The following UBE2D2 variants were observed in gnomAD, a reference collection of about 807,000 sequenced individuals.
The protein encoded by UBE2D2 is ubiquitin conjugating enzyme E2 D2, also known as ubiquitin-conjugating enzyme E2 D2.
In UBE2D2, 2 loss-of-function variants were observed where a neutral mutation model predicts 24.2. The observed-to-expected ratio is 0.08, with a 90% CI of 0.03 to 0.26. UBE2D2 has a LOEUF of 0.26. UBE2D2 is among the 10% of genes least tolerant of loss of function. The pLI is 1.00. For missense variants in UBE2D2, 44 were observed against 177.6 expected (o/e 0.25, Z 4.28); for synonymous variants, 58 against 56.5 (o/e 1.03, Z -0.12).
chr5:139,604,801 G>A (rs1168373291), intron 2 of UBE2D2, among the ~76,000 whole-genome samples: 5 of 151,630 alleles, frequency 3.3e-5, no homozygotes, highest in Non-Finnish European at 4.4e-5. Context: ...GAACACCTGA[G>A]CCCAGAAGTT....
chr5:139,570,047 G>A lies in UBE2D2; in HGVS notation c.24+8232G>A, dbSNP rs890190382. Among the ~76,000 whole-genome samples, 3 of 152,082 alleles carry A rather than the reference G, an allele frequency of 2.0e-5. 1 individual carries two copies. The highest frequency in any genetic ancestry group is 7.2e-5 in the African/African-American group (3 of 41,416). ...AAGGTGGGAGGATTGCTTGTACCTA[G>A]GAGTTCAAGACCAGCTTGGTCTGTA... On this transcript the variant is annotated intron_variant, in intron 1 of 6. Transcript: ENST00000398733.
intron 1 of UBE2D2, among the ~76,000 whole-genome samples, chr5:139,531,625 C>CAAAAAAAAAAAAAAA (rs112323447): frequency 2.1e-5 from 2 of 97,344 alleles, no homozygotes; most frequent in African/African-American, 3.9e-5. Flanking sequence ...AGACCCTATC[C>CAAAAAAAAAAAAAAA]AAAAAAAAAA....
intron 1 of UBE2D2, among the ~76,000 whole-genome samples, chr5:139,548,447 A>T (rs891394942): frequency 3.9e-5 from 6 of 151,920 alleles, no homozygotes; most frequent in Admixed American, 2.0e-4. Flanking sequence ...TCCTCTGCTG[A>T]TGCACTGTCA....
Position 139,604,989 on chromosome 5 carries a change from T to C in UBE2D2, c.88+4554T>C, listed in dbSNP as rs1383992937. ...ATGTCCTTTTGTCATTTTATTTTTG[T>C]TATAAGGAGTCAGAATTTAATCTTA... On this transcript the variant is annotated intron_variant, in intron 2 of 6. Transcript: ENST00000398733. 2.6e-5 allele frequency among the ~76,000 whole-genome samples: 4 copies of C among 152,178 alleles called. No individual in the cohort carries two copies. In the East Asian group the frequency reaches 7.7e-4, roughly 29 times the overall value.
chr5:139,579,345 C>T (rs1351197551), intron 1 of UBE2D2, among the ~76,000 whole-genome samples: 1 of 152,150 alleles, frequency 6.6e-6, no homozygotes, highest in Admixed American at 6.6e-5. Context: ...TGGGGTTTCT[C>T]CATGTTGGTC....
At chr5:139,572,362 G>T (rs1350610614) in intron 1 of UBE2D2, among the ~76,000 whole-genome samples, 1 of 152,198 alleles carries the variant, frequency 6.6e-6, no homozygotes, top group Non-Finnish European at 1.5e-5. Flanking sequence ...ACTTTGGGAA[G>T]CCAAGGCAGG....
At chr5:139,604,567 A>G (rs1754156271) in intron 2 of UBE2D2, among the ~76,000 whole-genome samples, 1 of 152,212 alleles carries the variant, frequency 6.6e-6, no homozygotes, top group African/African-American at 2.4e-5. Context: ...ATCATTTGTC[A>G]TTAGGGAAAT....
At chr5:139,565,254 T>C (rs1475185482) in intron 1 of UBE2D2, among the ~76,000 whole-genome samples, 1 of 152,240 alleles carries the variant, frequency 6.6e-6, no homozygotes, top group Non-Finnish European at 1.5e-5. Flanking sequence ...GTCTGTGAAT[T>C]TGGCAGTCTT....
chr5:139,536,316 C>A lies in UBE2D2; in HGVS notation c.-64+9704C>A, dbSNP rs148584571. Among the ~76,000 whole-genome samples the A allele has an allele frequency of 9.0e-3, 1,361 of 151,680 alleles. 28 individuals are homozygous for A. The highest frequency in any genetic ancestry group is 0.029 in the African/African-American group (1,209 of 41,316). ...GTTTCTCCACATTGGTCAGGCTGGT[C>A]TCGAACTCCCGACCTTGAGTGATCC... On this transcript the variant is annotated intron_variant, in intron 1 of 6. Coordinates refer to the UBE2D2 transcript ENST00000511725.
At chr5:139,590,988 C>T (rs1205558421) in intron 1 of UBE2D2, among the ~76,000 whole-genome samples, 3 of 150,190 alleles carry the variant, frequency 2.0e-5, no homozygotes, top group Non-Finnish European at 1.5e-5. Flanking sequence ...GAGAGGGGGG[C>T]GTTTCTCCAT....
chr5:139,617,754 G>A (rs1754445489), intron 5 of UBE2D2, among the ~76,000 whole-genome samples: 1 of 151,970 alleles, frequency 6.6e-6, no homozygotes, highest in Non-Finnish European at 1.5e-5. Context: ...GAGACACATT[G>A]GCCCCTGTAT....
chr5:139,561,945 C>T (rs565561687), intron 1 of UBE2D2, 130 bp downstream of exon 1: 86 of 1,266,502 alleles, frequency 6.8e-5, no homozygotes, highest in Admixed American at 4.4e-4. Context: ...TCGGGGCGGC[C>T]TCCATACCCC....
At chr5:139,548,073 C>T (rs113130247) in intron 1 of UBE2D2, among the ~76,000 whole-genome samples, 1,524 of 147,274 alleles carry the variant, frequency 0.01, 11 homozygotes, top group African/African-American at 0.035. Flanking sequence ...CTGAAGCAGG[C>T]GGATGGTTTG....
rs191644099 is a variant in UBE2D2, at chr5:139,618,800, T to C, written c.304+3834T>C. On this transcript the variant is annotated intron_variant, in intron 5 of 6. Transcript: ENST00000398733. ...GCCATTTTGTTGAATTTGATTGTAT[T>C]AACTGTCTCAGATTTAAGGTTTTAA... 2.8e-4 allele frequency among the ~76,000 whole-genome samples: 43 copies of C among 152,342 alleles called. 1 individual carries two copies. Among genetic ancestry groups the C allele is most frequent in the African/African-American group, 9.9e-4 (41 of 41,570 alleles).
At chr5:139,582,566 A>G (rs1335296554) in intron 1 of UBE2D2, among the ~76,000 whole-genome samples, 1 of 151,878 alleles carries the variant, frequency 6.6e-6, no homozygotes, top group African/African-American at 2.4e-5. Context: ...CAGTGTTTTA[A>G]CTGCTGCCTA....
intron 1 of UBE2D2, among the ~76,000 whole-genome samples, chr5:139,532,586 C>T (rs751925422): frequency 2.6e-5 from 4 of 151,842 alleles, no homozygotes; most frequent in Non-Finnish European, 4.4e-5. Context: ...CTCCTGACCT[C>T]GTGATCCGCC....
At chr5:139,540,046 A>C (rs1046580288) in intron 1 of UBE2D2, among the ~76,000 whole-genome samples, 7 of 151,718 alleles carry the variant, frequency 4.6e-5, no homozygotes, top group African/African-American at 1.7e-4. Flanking sequence ...CAGCCTCCCG[A>C]GTAGCTGGGA....
At chr5:139,623,169 T>C (rs1348699913) in intron 5 of UBE2D2, among the ~76,000 whole-genome samples, 199 bp from the exon 6 acceptor site, 1 of 151,682 alleles carries the variant, frequency 6.6e-6, no homozygotes, top group Non-Finnish European at 1.5e-5. Context: ...GAAACCCCAA[T>C]TCTGCTAAAA....
intron 2 of UBE2D2, 100 bp downstream of exon 2, chr5:139,600,535 G>C: frequency 8.2e-7 from 1 of 1,215,414 alleles, no homozygotes; most frequent in Admixed American, 2.2e-5. Flanking sequence ...TTAACCCTTA[G>C]TGGCCCATGA....
Sources: allele counts gnomAD v4.1 joint callset (sites outside exome capture counted in the v4.1 genomes callset), GRCh38; gene constraint gnomAD v4.1.1; transcripts MANE v1.5; gene names NCBI Gene and HGNC (gene_info 2026-07-23, HGNC 2026-07-21).